Variants in RPH3AL observed in about 807,000 individuals in gnomAD.
RPH3AL encodes the protein rab effector Noc2.
A neutral mutation model predicts 43.1 loss-of-function variants in RPH3AL; 38 were observed. That is an observed-to-expected ratio of 0.88 (90% CI 0.68 to 1.15). The LOEUF (loss-of-function observed/expected upper bound fraction) is 1.15. Among genes scored for constraint, RPH3AL ranks in the 50% most tolerant of loss-of-function variants. The pLI, the probability that RPH3AL is intolerant of heterozygous loss-of-function variation, is 0.00. For missense variants in RPH3AL, 462 were observed against 423.2 expected (o/e 1.09, Z -0.81); for synonymous variants, 189 against 176.3 (o/e 1.07, Z -0.57).
rs183594596 is a variant in RPH3AL, at chr17:231,976, C to T, written c.614-12240G>A. 2.3e-3 allele frequency among the ~76,000 whole-genome samples: 343 copies of T among 152,350 alleles called. 2 individuals are homozygous for T. Among genetic ancestry groups the T allele is most frequent in the African/African-American group, 7.6e-3 (315 of 41,586 alleles). ...GTCGGGTGTGGCAGGAAAGCAACAGCGGCTCATTTGTGCTCAGGACATCTG... is the reference window on the plus strand; with the variant it reads ...GTCGGGTGTGGCAGGAAAGCAACAGTGGCTCATTTGTGCTCAGGACATCTG... On this transcript the variant is annotated intron_variant, in intron 7 of 9. Transcript: ENST00000331302.
At chr17:249,576 C>G (rs1362166678) in intron 6 of RPH3AL, among the ~76,000 whole-genome samples, 1 of 151,894 alleles carries the variant, frequency 6.6e-6, no homozygotes, top group Non-Finnish European at 1.5e-5. Flanking sequence ...GAATTCAAAA[C>G]CAGAAGACCA....
At chr17:220,136 A>T (rs8069578) in intron 7 of RPH3AL, among the ~76,000 whole-genome samples, 8 of 134,848 alleles carry the variant, frequency 5.9e-5, no homozygotes, top group South Asian at 4.9e-4. Context: ...TAGACCCAAG[A>T]ACAACAGCTC....
chr17:248,255 C>T, intron 6 of RPH3AL, among the ~76,000 whole-genome samples: 1 of 152,176 alleles, frequency 6.6e-6, no homozygotes, highest in East Asian at 1.9e-4. Flanking sequence ...TTGTCACTGC[C>T]CCTCGGGAGA....
At chr17:298,581 T>C (rs2043238300) in intron 5 of RPH3AL, among the ~76,000 whole-genome samples, 1 of 151,540 alleles carries the variant, frequency 6.6e-6, no homozygotes, top group South Asian at 2.1e-4. Flanking sequence ...GGCACACTCC[T>C]GTAGCCCTAG....
chr17:332,312 A>T (rs946804573), intron 2 of RPH3AL: 1 of 208,676 alleles, frequency 4.8e-6, no homozygotes, highest in Non-Finnish European at 9.7e-6. Context: ...GTACAGGAGC[A>T]TATTCAATGA....
intron 6 of RPH3AL, among the ~76,000 whole-genome samples, chr17:259,504 T>TCC (rs200670960): frequency 2.6e-5 from 4 of 151,320 alleles, no homozygotes; most frequent in Non-Finnish European, 4.4e-5. Flanking sequence ...CATCTACCCC[T>TCC]CCCCGCCCAG....
intron 5 of RPH3AL, among the ~76,000 whole-genome samples, chr17:296,845 T>C (rs2043192538): frequency 6.6e-6 from 1 of 152,104 alleles, no homozygotes; most frequent in African/African-American, 2.4e-5. Context: ...TGCTCTAACG[T>C]CCTGCCGGAG....
At chr17:265,569 C>T (rs782275761) in intron 6 of RPH3AL, among the ~76,000 whole-genome samples, 2 of 152,224 alleles carry the variant, frequency 1.3e-5, no homozygotes, top group Non-Finnish European at 2.9e-5. Context: ...CCTCTTCCCT[C>T]TTCCCTCCCT....
At chr17:315,758 G>C (rs71369989) in intron 5 of RPH3AL, among the ~76,000 whole-genome samples, 2 of 137,486 alleles carry the variant, frequency 1.5e-5, no homozygotes, top group Non-Finnish European at 3.0e-5. Flanking sequence ...CACATCCATT[G>C]ACCTTTAGTC....
chr17:308,875 C>A (rs1016162851), intron 5 of RPH3AL, among the ~76,000 whole-genome samples: 6 of 152,208 alleles, frequency 3.9e-5, no homozygotes, highest in African/African-American at 1.2e-4. Flanking sequence ...GGGGCCAGGA[C>A]CCCCACAGCT....
intron 5 of RPH3AL, among the ~76,000 whole-genome samples, chr17:315,499 G>A (rs1348726797): frequency 4.4e-4 from 64 of 146,530 alleles, no homozygotes; most frequent in African/African-American, 1.5e-3. Context: ...TGTAGTCCCT[G>A]TGACTCCACC....
intron 5 of RPH3AL, among the ~76,000 whole-genome samples, chr17:299,133 TG>T (rs1357536009): frequency 6.6e-6 from 1 of 152,010 alleles, no homozygotes; most frequent in African/African-American, 2.4e-5. Flanking sequence ...GAGGATGCAC[TG>T]GAAAGCGAAT....
chr17:237,965 G>A (rs1362495595), intron 7 of RPH3AL, among the ~76,000 whole-genome samples: 5 of 148,938 alleles, frequency 3.4e-5, no homozygotes, highest in African/African-American at 1.0e-4. Flanking sequence ...CCTGGACAAC[G>A]TGGAATCACC....
In RPH3AL at chr17:279,760, T is replaced by C. The variant is rs574608390; in HGVS notation, c.438+2008A>G. 3.9e-5 allele frequency among the ~76,000 whole-genome samples: 6 copies of C among 152,338 alleles called. No homozygotes were observed. In the South Asian group the frequency reaches 1.0e-3, roughly 26 times the overall value. On this transcript the variant is annotated intron_variant, in intron 6 of 9. Transcript: ENST00000331302. ...ATGTTTTAAGGAATTTCCTCTTCCA[T>C]GGACATGTGCATTGTCAAAGGGGTC...
chr17:285,493 G>T (rs532174061), intron 5 of RPH3AL, among the ~76,000 whole-genome samples: 1 of 152,046 alleles, frequency 6.6e-6, no homozygotes, highest in Non-Finnish European at 1.5e-5. Context: ...GCAGCCCCTC[G>T]TACCGTGTTC....
rs2044525424 is a variant in RPH3AL at position 323,131 on chromosome 17, G to C, written c.78-1716C>G. ...TACCATGTGTGAGCTTTTGCAGGAT[G>C]AACAGGTGCTTCCCCATGGAAGGAG... On this transcript the variant is annotated intron_variant, in intron 3 of 9. Transcript: ENST00000331302. This position sits in a 1 kb window ranked among gnomAD's most constrained non-coding sequence, Gnocchi z 4.4. Among the ~76,000 whole-genome samples the C allele has an allele frequency of 1.3e-5, 2 of 152,136 alleles. No homozygotes were observed. Among genetic ancestry groups the C allele is most frequent in the Admixed American group, 6.5e-5 (1 of 15,268 alleles).
rs915202670 is a variant in RPH3AL, at chr17:347,316, G to C, written c.-213+5396C>G. Among the ~76,000 whole-genome samples, 3 of 152,240 alleles carry C rather than the reference G, an allele frequency of 2.0e-5. No homozygotes were observed. The East Asian group carries it at 5.8e-4, about 29-fold the overall frequency. ...AAAGCCAACCTGGGCAGCACAGTGG[G>C]ACTCTGTATCTATGAAAAATAAAAA... On this transcript the variant is annotated intron_variant, in intron 1 of 9. Coordinates refer to ENST00000331302, the MANE Select transcript of RPH3AL (RefSeq NM_006987.4).
chr17:247,005 C>T (rs1304917112), intron 7 of RPH3AL, 106 bp downstream of exon 7: 18 of 1,226,826 alleles, frequency 1.5e-5, no homozygotes, highest in South Asian at 6.5e-5. Flanking sequence ...GAATGAGCCT[C>T]GTGGATGGAG....
chr17:312,190 G>A (rs1215722699), intron 5 of RPH3AL, among the ~76,000 whole-genome samples: 7 of 152,146 alleles, frequency 4.6e-5, no homozygotes, highest in Admixed American at 4.6e-4. Context: ...AGTCTCAGCT[G>A]CCCGGGAAGC....
Sources: allele counts gnomAD v4.1 joint callset (sites outside exome capture counted in the v4.1 genomes callset), GRCh38; gene constraint gnomAD v4.1.1; non-coding constraint Gnocchi (gnomAD v3.1); transcripts MANE v1.5; gene names NCBI Gene and HGNC (gene_info 2026-07-23, HGNC 2026-07-21).